The following ATP12A variants were observed in gnomAD, a reference collection of about 807,000 sequenced individuals.
ATP12A encodes potassium-transporting ATPase alpha chain 2.
ATP12A carries 81 observed loss-of-function variants against 111.2 expected under a neutral mutation model. That is an observed-to-expected ratio of 0.73 (90% CI 0.61 to 0.88). ATP12A has a LOEUF of 0.88. ATP12A is among the 40% of genes least tolerant of loss of function. The pLI, the probability that ATP12A is intolerant of heterozygous loss-of-function variation, is 0.00. For missense variants in ATP12A, 1,196 were observed against 1,313.1 expected, an observed-to-expected ratio of 0.91 and a Z score of 1.38; for synonymous variants, 498 against 499.8, an observed-to-expected ratio of 1.00 and a Z score of 0.05.
Position 24,711,834 on chromosome 13 carries a change from T to C in ATP12A, c.*312T>C. The C allele has an allele frequency of 2.4e-6, 1 of 420,964 alleles. No homozygotes were observed. The highest frequency in any genetic ancestry group is 2.3e-5 in the South Asian group (1 of 43,232). The allele number at this position is 420,964 out of a possible 1,614,324, so 26.1% of individuals were successfully genotyped here. A position where few individuals can be genotyped will look rare whatever the true frequency, so the allele number is the denominator to read the frequency against. ...ACTCCTTGATGTTAATAGTCTTGTG[T>C]AACCCAGGCATCTACTGGGGCCTGC... On this transcript the variant is annotated 3_prime_UTR_variant, in exon 23 of 23. Coordinates refer to ENST00000381946, the MANE Select transcript of ATP12A (RefSeq NM_001676.7).
chr13:24,702,869 C>T (rs935647265), intron 14 of ATP12A, among the ~76,000 whole-genome samples: 2 of 152,208 alleles, frequency 1.3e-5, no homozygotes, highest in Non-Finnish European at 2.9e-5. Flanking sequence ...GTGGCCTGGA[C>T]TGTGCCTGGT....
At chr13:24,706,890 C>T in intron 15 of ATP12A, 133 bp from the exon 16 acceptor site, 1 of 990,720 alleles carries the variant, frequency 1.0e-6, no homozygotes, top group Non-Finnish European at 1.4e-6. Flanking sequence ...ATCTTTTCCC[C>T]TAAATGGGCC....
intron 8 of ATP12A, among the ~76,000 whole-genome samples, chr13:24,691,902 C>T (rs1874920636): frequency 1.3e-5 from 2 of 152,158 alleles, no homozygotes; most frequent in African/African-American, 4.8e-5. Context: ...CCTCTGACTC[C>T]AGGAGATAGT....
intron 11 of ATP12A, among the ~76,000 whole-genome samples, chr13:24,697,202 G>A (rs1278117816): frequency 6.6e-6 from 1 of 152,128 alleles, no homozygotes; most frequent in African/African-American, 2.4e-5. Context: ...CTTTGTAAAA[G>A]GGAATAATAA....
rs144395393 is a variant in ATP12A, at chr13:24,692,288, C to T, written c.1069-141C>T. The T allele has an allele frequency of 3.6e-4, 301 of 841,486 alleles. 2 individuals carry two copies. In the East Asian group the frequency reaches 7.5e-3, roughly 21 times the overall value. 52.1% of individuals were successfully genotyped at this position (841,486 alleles called of 1,614,324 possible). On this transcript the variant is annotated intron_variant, in intron 8 of 22. Coordinates refer to ENST00000381946, the MANE Select transcript of ATP12A (RefSeq NM_001676.7). ...ATAAGCCACCAGGTCAGCTTAGCTG[C>T]GCTGACAACCACACCTCTCCCCTAA...
chr13:24,709,304 C>CCCCCCCCCT, intron 17 of ATP12A, 60 bp from the exon 18 acceptor site: 2 of 1,429,950 alleles, frequency 1.4e-6, no homozygotes, highest in Non-Finnish European at 1.9e-6. Flanking sequence ...GCCCCCCTCC[C>CCCCCCCCCT]CTACTGTGGG....
At chr13:24,691,983 GC>G (rs1483971369) in intron 8 of ATP12A, among the ~76,000 whole-genome samples, 2 of 152,150 alleles carry the variant, frequency 1.3e-5, no homozygotes, top group African/African-American at 4.8e-5. Context: ...AAAATATGGA[GC>G]TTTTAAAATG....
intron 14 of ATP12A, among the ~76,000 whole-genome samples, chr13:24,702,685 C>T (rs1043371745): frequency 6.6e-6 from 1 of 152,186 alleles, no homozygotes; most frequent in Non-Finnish European, 1.5e-5. Flanking sequence ...GTATTTACTG[C>T]GTGCCAACTA....
intron 2 of ATP12A, among the ~76,000 whole-genome samples, chr13:24,684,315 A>G (rs896342444): frequency 2.0e-5 from 3 of 152,258 alleles, no homozygotes; most frequent in African/African-American, 7.2e-5. Flanking sequence ...GATAATAATG[A>G]TAATAATGAA....
intron 21 of ATP12A, among the ~76,000 whole-genome samples, chr13:24,711,115 T>G (rs1875948473): frequency 6.6e-6 from 1 of 152,256 alleles, no homozygotes; most frequent in African/African-American, 2.4e-5. Flanking sequence ...TCCAACAGGT[T>G]GCTTCAAAGG....
chr13:24,680,457 CG>C lies in ATP12A; in HGVS notation c.-286del. On this transcript the variant is annotated 5_prime_UTR_variant, in exon 1 of 23. Transcript: ENST00000381946. ...CTAGCTGTCGGTCCCCCTCCCTGCG[CG>C]CGCGCCGGCGGGTTTCCTACCCTCC... is the stretch of plus-strand genomic sequence containing the variant. 9 of 424,898 alleles carry C rather than the reference CG, an allele frequency of 2.1e-5. No individual in the cohort carries two copies. The South Asian group carries it at 3.7e-4, about 17-fold the overall frequency. 26.3% of individuals were successfully genotyped at this position (424,898 alleles called of 1,614,324 possible).
rs1875978996 is a variant in ATP12A at position 24,711,651 on chromosome 13, A to C, written c.*129A>C. On this transcript the variant is annotated 3_prime_UTR_variant, in exon 23 of 23. Transcript: ENST00000381946. ...TTCAGACAAGAGGAAATTTTCATGC[A>C]GAAAGCTGTATGCAGGATGCTCACT... The C allele has an allele frequency of 7.6e-7, 1 of 1,310,348 alleles. No homozygotes were observed. The highest frequency in any genetic ancestry group is 1.1e-6 in the Non-Finnish European group (1 of 931,246). The allele number at this position is 1,310,348 out of a possible 1,614,324, so 81.2% of individuals were successfully genotyped here. A position where few individuals can be genotyped will look rare whatever the true frequency, so the allele number is the denominator to read the frequency against.
In ATP12A at chr13:24,680,790, G is replaced by C. The variant is rs1325228281; in HGVS notation, c.9+38G>C. 8.1e-6 allele frequency: 12 copies of C among 1,475,628 alleles called. No homozygotes were observed. The East Asian group carries it at 2.9e-4, about 36-fold the overall frequency. 91.4% of individuals were successfully genotyped at this position (1,475,628 alleles called of 1,614,324 possible). The stretch of plus-strand genomic sequence containing the variant: ...CCCGCGCCGGCCGAGGATGCGAGAC[G>C]CTGGGCCAAGGCCCCGGGGACCGGA... On this transcript the variant is annotated intron_variant, in intron 1 of 22. Coordinates refer to ENST00000381946, the MANE Select transcript of ATP12A (RefSeq NM_001676.7).
At chr13:24,688,127 G>A (rs1874734252) in intron 3 of ATP12A, among the ~76,000 whole-genome samples, 192 bp from the exon 4 acceptor site, 1 of 152,170 alleles carries the variant, frequency 6.6e-6, no homozygotes, top group Non-Finnish European at 1.5e-5. Context: ...CTGGTATTAA[G>A]CATTACATAG....
chr13:24,706,891 T>G (rs951201145), intron 15 of ATP12A, 132 bp from the exon 16 acceptor site: 53 of 998,464 alleles, frequency 5.3e-5, no homozygotes, highest in Non-Finnish European at 7.1e-5. Context: ...TCTTTTCCCC[T>G]AAATGGGCCT....
At chr13:24,689,213 C>G in intron 4 of ATP12A, 49 bp from the exon 5 acceptor site, 1 of 1,499,596 alleles carries the variant, frequency 6.7e-7, no homozygotes, top group Non-Finnish European at 9.3e-7. Context: ...CAGGGCCCGG[C>G]TGCTTCCCAC....
At chr13:24,683,603 G>T (rs967278190) in intron 2 of ATP12A, among the ~76,000 whole-genome samples, 1 of 152,108 alleles carries the variant, frequency 6.6e-6, no homozygotes, top group African/African-American at 2.4e-5. Context: ...GCATTTGTCC[G>T]TATCTATCAT....
intron 15 of ATP12A, 38 bp downstream of exon 15, chr13:24,706,501 A>T: frequency 6.2e-7 from 1 of 1,603,888 alleles, no homozygotes; most frequent in Non-Finnish European, 8.5e-7. Flanking sequence ...TGACAGGCCC[A>T]TCACTGTCCA....
At chr13:24,699,131 A>G (rs1402845464) in intron 12 of ATP12A, among the ~76,000 whole-genome samples, 1 of 152,120 alleles carries the variant, frequency 6.6e-6, no homozygotes, top group Non-Finnish European at 1.5e-5. Context: ...AGGGGAAAGT[A>G]TCCAGGGCCC....
Sources: allele counts gnomAD v4.1 joint callset (sites outside exome capture counted in the v4.1 genomes callset), GRCh38; gene constraint gnomAD v4.1.1; transcripts MANE v1.5; gene names NCBI Gene and HGNC (gene_info 2026-07-23, HGNC 2026-07-21).